Variants in JAM2 observed in about 807,000 individuals in gnomAD.
The protein encoded by JAM2 is junctional adhesion molecule B.
Under a neutral mutation model 42.0 loss-of-function variants are expected in JAM2, and 17 were observed. The observed-to-expected ratio is 0.40, with a 90% CI of 0.28 to 0.61. The LOEUF (loss-of-function observed/expected upper bound fraction) is 0.61, where lower values mean the gene tolerates loss of function less well. Among genes scored for constraint, JAM2 ranks in the 20% least tolerant of loss-of-function variants. JAM2 has a pLI of 0.37. For missense variants in JAM2, 319 were observed against 358.3 expected (o/e 0.89, Z 0.89); for synonymous variants, 118 against 128.6 (o/e 0.92, Z 0.56).
chr21:25,713,587 A>ACAT (rs2034425154), intron 9 of JAM2, among the ~76,000 whole-genome samples: 1 of 152,086 alleles, frequency 6.6e-6, no homozygotes, highest in Admixed American at 6.5e-5. Context: ...GGGAGCCTGG[A>ACAT]CATCAGTATT....
intron 1 of JAM2, among the ~76,000 whole-genome samples, chr21:25,641,779 A>T (rs1284283752): frequency 3.3e-5 from 5 of 152,130 alleles, no homozygotes; most frequent in Non-Finnish European, 5.9e-5. Flanking sequence ...CTATTCCAGG[A>T]TGCCATCCAG....
At chr21:25,713,095 C>T (rs565301087) in intron 9 of JAM2, among the ~76,000 whole-genome samples, 3 of 152,260 alleles carry the variant, frequency 2.0e-5, no homozygotes, top group African/African-American at 4.8e-5. Flanking sequence ...TAGCTCCATT[C>T]ATGAAGGTCC....
intron 1 of JAM2, among the ~76,000 whole-genome samples, chr21:25,663,734 GA>G (rs1224079037): frequency 6.6e-6 from 1 of 152,164 alleles, no homozygotes; most frequent in Non-Finnish European, 1.5e-5. Flanking sequence ...ACCCTCATCA[GA>G]TGTGACCCCT....
intron 4 of JAM2, among the ~76,000 whole-genome samples, chr21:25,696,417 G>C (rs2034036592): frequency 1.3e-5 from 2 of 152,060 alleles, no homozygotes; most frequent in Admixed American, 1.3e-4. Flanking sequence ...GGAGGAGGAG[G>C]GGGAGAGGGA....
chr21:25,696,801 G>A (rs996230574), intron 4 of JAM2, among the ~76,000 whole-genome samples: 5 of 152,086 alleles, frequency 3.3e-5, no homozygotes, highest in Non-Finnish European at 5.9e-5. Flanking sequence ...ACTCCTAGAG[G>A]CCACCACATT....
chr21:25,676,310 G>GAAAAAGA (rs2033494880), intron 1 of JAM2, among the ~76,000 whole-genome samples: 1 of 121,144 alleles, frequency 8.3e-6, no homozygotes, highest in Non-Finnish European at 1.7e-5. Context: ...AAAAGAAAAA[G>GAAAAAGA]AAAAAAAAAA....
chr21:25,681,746 G>A (rs1601028587), intron 1 of JAM2, among the ~76,000 whole-genome samples: 1 of 151,966 alleles, frequency 6.6e-6, no homozygotes, highest in Non-Finnish European at 1.5e-5. Context: ...ACTTTGGGAG[G>A]CTGAGGTGGG....
intron 9 of JAM2, chr21:25,714,307 C>G (rs1254711690): frequency 1.7e-5 from 14 of 834,060 alleles, no homozygotes; most frequent in Non-Finnish European, 2.4e-5. Context: ...GAGTTCTAGA[C>G]CAGTCTGGCC....
chr21:25,692,837 A>G (rs1209809499), intron 3 of JAM2, among the ~76,000 whole-genome samples: 1 of 152,214 alleles, frequency 6.6e-6, no homozygotes, highest in East Asian at 1.9e-4. Flanking sequence ...ATGTTTTCAC[A>G]TGGCCTTATG....
chr21:25,658,989 A>G (rs1042064336), intron 1 of JAM2, among the ~76,000 whole-genome samples: 2 of 152,216 alleles, frequency 1.3e-5, no homozygotes, highest in African/African-American at 4.8e-5. Context: ...GTATATTTTC[A>G]GTGTCCCTGT....
chr21:25,678,108 C>A (rs1041268982), intron 1 of JAM2, among the ~76,000 whole-genome samples: 5 of 152,116 alleles, frequency 3.3e-5, no homozygotes, highest in African/African-American at 1.2e-4. Flanking sequence ...TGCCTGTAAT[C>A]CCAGCTACTC....
intron 6 of JAM2, among the ~76,000 whole-genome samples, chr21:25,705,141 G>A (rs2034245580): frequency 6.6e-6 from 1 of 152,130 alleles, no homozygotes; most frequent in Admixed American, 6.5e-5. Context: ...GTGTATGTGT[G>A]TATACACCCA....
At chr21:25,711,297 A>G in intron 8 of JAM2, 1 of 366,796 alleles carries the variant, frequency 2.7e-6, no homozygotes, top group South Asian at 2.1e-5. Context: ...TACATGAAAT[A>G]TGGGTGAGCT....
At chr21:25,684,831 C>G (rs1257608048) in intron 2 of JAM2, among the ~76,000 whole-genome samples, 1 of 152,158 alleles carries the variant, frequency 6.6e-6, no homozygotes, top group East Asian at 1.9e-4. Flanking sequence ...CTCCTGGGCT[C>G]AAGCAGTCTG....
intron 1 of JAM2, among the ~76,000 whole-genome samples, chr21:25,672,109 T>C (rs1179218026): frequency 1.3e-5 from 2 of 151,916 alleles, no homozygotes; most frequent in East Asian, 3.9e-4. Context: ...ATTTTTCTTT[T>C]TCTTTCTTTC....
intron 5 of JAM2, among the ~76,000 whole-genome samples, chr21:25,699,722 CAAAAAAAAAAAAAAAAAAA>C (rs59490509): frequency 1.2e-4 from 5 of 41,942 alleles, no homozygotes; most frequent in East Asian, 1.3e-3. Context: ...GGCTCCGTCT[CAAAAAAAAAAAAAAAAAAA>C]AAAAAAAAAA....
chr21:25,709,341 T>TA (rs2034336064), intron 7 of JAM2, 93 bp from the exon 8 acceptor site: 4 of 708,840 alleles, frequency 5.6e-6, no homozygotes, highest in East Asian at 2.6e-5. Context: ...TTAAAATTAA[T>TA]AAAAATAAAT....
At chr21:25,656,010 G>A (rs986321146) in intron 1 of JAM2, among the ~76,000 whole-genome samples, 3 of 151,394 alleles carry the variant, frequency 2.0e-5, no homozygotes, top group African/African-American at 7.3e-5. Flanking sequence ...ATACAGCAAA[G>A]TCTGTTAGTA....
intron 2 of JAM2, 30 bp downstream of exon 2, chr21:25,683,978 G>C: frequency 7.1e-7 from 1 of 1,414,340 alleles, no homozygotes; most frequent in Non-Finnish European, 9.8e-7. Flanking sequence ...TTCACAGGCT[G>C]TATTGTTTAA....
Sources: gnomAD v4.1 joint callset for allele counts (sites outside exome capture counted in the v4.1 genomes callset) on GRCh38, gnomAD v4.1.1 for gene constraint, MANE v1.5 for transcripts, NCBI Gene and HGNC (gene_info 2026-07-23, HGNC 2026-07-21) for gene names.